The following TENT5D variants were observed in gnomAD, a reference collection of about 807,000 sequenced individuals.
TENT5D encodes cancer/testis antigen 112.
For synonymous variants in TENT5D, 103 were observed against 100.6 expected (o/e 1.02, Z -0.15); for missense variants, 191 against 287.0 (o/e 0.67, Z 2.42).
chrX:80,400,133 G>C (rs960439778), intron 3 of TENT5D, among the ~76,000 whole-genome samples: 1 of 111,316 alleles, frequency 9.0e-6, no homozygotes, highest in Admixed American at 9.5e-5. Flanking sequence ...TCTCAGTCCA[G>C]GGCCAAAAAC....
At chrX:80,353,504 C>A (rs1396017282) in intron 3 of TENT5D, among the ~76,000 whole-genome samples, 1 of 111,559 alleles carries the variant, frequency 9.0e-6, no homozygotes, top group Admixed American at 9.5e-5. Flanking sequence ...CAATGTTTAG[C>A]TCCCTTATAA....
At chrX:80,393,201 G>T (rs1931170598) in intron 3 of TENT5D, among the ~76,000 whole-genome samples, 1 of 111,014 alleles carries the variant, frequency 9.0e-6, no homozygotes, top group African/African-American at 3.3e-5. Context: ...GTGATTTGAT[G>T]TATTTTCTTG....
chrX:80,377,477 CAT>C (rs1020692784), intron 3 of TENT5D, among the ~76,000 whole-genome samples: 3 of 111,362 alleles, frequency 2.7e-5, no homozygotes, highest in Non-Finnish European at 5.7e-5. Flanking sequence ...TGAGTGAGAA[CAT>C]GTGGTGTTTG....
chrX:80,370,570 T>C (rs1055969117), intron 3 of TENT5D, among the ~76,000 whole-genome samples: 26 of 112,391 alleles, frequency 2.3e-4, no homozygotes, highest in African/African-American at 8.1e-4. Flanking sequence ...TTTTCAATAC[T>C]ATTAAGTAAT....
intron 3 of TENT5D, among the ~76,000 whole-genome samples, chrX:80,343,564 A>AT (rs1019215490): frequency 4.6e-5 from 5 of 108,212 alleles, no homozygotes; most frequent in African/African-American, 1.7e-4. Context: ...CACCCAGCTG[A>AT]TTTTTTTGTA....
intron 3 of TENT5D, among the ~76,000 whole-genome samples, chrX:80,396,845 G>C (rs1417312220): frequency 1.0e-5 from 1 of 97,861 alleles, no homozygotes; most frequent in Non-Finnish European, 2.1e-5. Context: ...TCCCAGTAGG[G>C]GCGGCCGGGC....
chrX:80,415,688 C>T (rs769362785), upstream of TENT5D, among the ~76,000 whole-genome samples: 4 of 111,519 alleles, frequency 3.6e-5, no homozygotes, highest in Admixed American at 9.6e-5. Context: ...TTGCTTGATA[C>T]GGTTTGCTGA....
intron 1 of TENT5D, among the ~76,000 whole-genome samples, chrX:80,421,405 T>C (rs2147559728): frequency 9.0e-6 from 1 of 111,453 alleles, no homozygotes; most frequent in African/African-American, 3.3e-5. Context: ...GCCAGGATGG[T>C]CTTGATCTCC....
chrX:80,380,985 AT>A (rs1930853758), intron 3 of TENT5D, among the ~76,000 whole-genome samples: 1 of 111,627 alleles, frequency 9.0e-6, no homozygotes, highest in Admixed American at 9.5e-5. Context: ...TTATATGTGA[AT>A]TGGATCCTGT....
At chrX:80,411,648 C>T (rs949947339) in intron 3 of TENT5D, among the ~76,000 whole-genome samples, 1 of 111,550 alleles carries the variant, frequency 9.0e-6, no homozygotes, top group Non-Finnish European at 1.9e-5. Flanking sequence ...TTAATAAGAA[C>T]ACATTTCTTT....
At chrX:80,389,443 G>A (rs1204484123) in intron 3 of TENT5D, among the ~76,000 whole-genome samples, 1 of 112,236 alleles carries the variant, frequency 8.9e-6, no homozygotes, top group African/African-American at 3.2e-5. Context: ...CTTTTAAGTT[G>A]AGGAGCCATC....
intron 1 of TENT5D, among the ~76,000 whole-genome samples, chrX:80,423,177 A>C (rs765111091): frequency 8.9e-6 from 1 of 112,313 alleles, no homozygotes; most frequent in Admixed American, 9.5e-5. Context: ...TTGAATTCAC[A>C]TAGCTATAAA....
rs758700178 is a variant in TENT5D at position 80,411,480 on chromosome X, T to A, written c.-141-27130T>A. ...AGGACAAAAATTTACCGTACAAGAT[T>A]TTTTTCTCATATAAAATTATTTTTC... On this transcript the variant is annotated intron_variant, in intron 3 of 4. Transcript: ENST00000538312. Among the ~76,000 whole-genome samples the A allele has an allele frequency of 3.6e-5, 4 of 111,982 alleles. No homozygotes were observed. In the East Asian group the frequency reaches 1.1e-3, roughly 32 times the overall value.
intron 3 of TENT5D, among the ~76,000 whole-genome samples, chrX:80,362,459 G>A (rs993831186): frequency 1.8e-5 from 2 of 112,092 alleles, no homozygotes; most frequent in Admixed American, 1.9e-4. Context: ...CACCGTGCCC[G>A]GCTGATTTTC....
At chrX:80,416,401 A>G (rs1320556201), upstream of TENT5D, among the ~76,000 whole-genome samples, 1 of 69,162 alleles carries the variant, frequency 1.4e-5, no homozygotes, top group Non-Finnish European at 2.9e-5. Context: ...TTTTTTTTTT[A>G]TCTTCCTAAC....
intron 3 of TENT5D, among the ~76,000 whole-genome samples, chrX:80,351,088 T>C (rs1930168496): frequency 9.0e-6 from 1 of 111,323 alleles, no homozygotes; most frequent in African/African-American, 3.3e-5. Context: ...TTTTCCTTCA[T>C]TTCAACCTTG....
At chrX:80,430,814 A>G (rs943714206) in intron 1 of TENT5D, among the ~76,000 whole-genome samples, 1 of 111,204 alleles carries the variant, frequency 9.0e-6, no homozygotes, top group African/African-American at 3.3e-5. Context: ...TTTGTTACCC[A>G]ACTAGAAAAG....
chrX:80,395,443 A>G (rs1398866616), intron 3 of TENT5D, among the ~76,000 whole-genome samples: 3 of 111,907 alleles, frequency 2.7e-5, no homozygotes, highest in African/African-American at 9.8e-5. Context: ...GAGCCTGTAT[A>G]CTGTTTTTTA....
chrX:80,339,852 C>T (rs1431589322), intron 2 of TENT5D, among the ~76,000 whole-genome samples: 2 of 99,764 alleles, frequency 2.0e-5, no homozygotes, highest in East Asian at 3.1e-4. Flanking sequence ...AGATAGTTAT[C>T]GGAAATATAT....
Sources: allele counts gnomAD v4.1 joint callset (sites outside exome capture counted in the v4.1 genomes callset), GRCh38; gene constraint gnomAD v4.1.1; transcripts MANE v1.5; gene names NCBI Gene and HGNC (gene_info 2026-07-23, HGNC 2026-07-21).